HINT1: variants seen among roughly 807,000 people sequenced by gnomAD.
The protein encoded by HINT1 is adenosine 5'-monophosphoramidase HINT1.
Under a neutral mutation model 11.2 loss-of-function variants are expected in HINT1, and 12 were observed. That is an observed-to-expected ratio of 1.07 (90% CI 0.69 to 1.74). The LOEUF is 1.74. HINT1 is among the 40% of genes most tolerant of loss of function. The pLI, the probability that HINT1 is intolerant of heterozygous loss-of-function variation, is 0.00. For missense variants in HINT1, 150 were observed against 161.8 expected (o/e 0.93, Z 0.40); for synonymous variants, 42 against 52.6 (o/e 0.80, Z 0.87).
chr5:131,160,983 C>A, intron 2 of HINT1: 1 of 331,958 alleles, frequency 3.0e-6, no homozygotes, highest in Admixed American at 3.8e-5. Flanking sequence ...TTTCAACAGA[C>A]ATACAATATT....
At chr5:131,164,409 G>C (rs900216387) in intron 1 of HINT1, among the ~76,000 whole-genome samples, 4 of 152,226 alleles carry the variant, frequency 2.6e-5, no homozygotes, top group Admixed American at 2.0e-4. Flanking sequence ...ATGTTCAGCG[G>C]GAGAGGTCAA....
At chr5:131,162,224 G>A (rs4644002) in intron 2 of HINT1, 34,053 of 557,104 alleles carry the variant, frequency 0.061, 3,610 homozygotes, top group African/African-American at 0.34. Flanking sequence ...TCGGGAGGCT[G>A]AGGCAGGAGA....
intron 2 of HINT1, chr5:131,162,284 A>C: frequency 6.3e-6 from 4 of 634,068 alleles, no homozygotes; most frequent in Non-Finnish European, 1.1e-5. Flanking sequence ...GTGCCACTGC[A>C]CTGCAGCCTG....
intron 2 of HINT1, 182 bp downstream of exon 2, chr5:131,162,390 G>A (rs1324922266): frequency 9.1e-6 from 11 of 1,206,042 alleles, no homozygotes; most frequent in Non-Finnish European, 1.1e-5. Flanking sequence ...ATTCATTGCT[G>A]GTGGGATACA....
Position 131,165,188 on chromosome 5 carries a change from G to T in HINT1, c.18C>A (p.Ala6=). The T allele has an allele frequency of 6.2e-7, 1 of 1,608,912 alleles. No individual in the cohort carries two copies. The highest frequency in any genetic ancestry group is 1.1e-5 in the South Asian group (1 of 91,076). MADEI[A]KAQVARPGGD... ...CACCAGGCCGAGCGACCTGAGCCTT[G>T]GCAATCTCATCTGCCATCTCGGCCT... The change falls in exon 1 of 3, where the codon GCC becomes GCA. Residue 6 remains alanine (A), a synonymous_variant. Coordinates refer to ENST00000304043, the MANE Select transcript of HINT1 (RefSeq NM_005340.7).
chr5:131,162,149 G>A (rs1213971932), intron 2 of HINT1: 1 of 460,244 alleles, frequency 2.2e-6, no homozygotes, highest in Non-Finnish European at 3.9e-6. Flanking sequence ...CATGGTGAAA[G>A]CCGTCTCTAC....
Position 131,165,245 on chromosome 5 carries a change from GGAA to G in HINT1, c.-43_-41del. 6.3e-7 allele frequency: 1 copy of G among 1,590,986 alleles called. No homozygotes were observed. The highest frequency in any genetic ancestry group is 8.5e-7 in the Non-Finnish European group (1 of 1,174,192). On this transcript the variant is annotated 5_prime_UTR_variant, in exon 1 of 3. Transcript: ENST00000304043. Reference sequence around the variant, plus strand: ...CGCGCGGCGGCCAGAGGAGAGGCTCGGAAGAAGGGAGGAACCCGCAGAGCGTGC... The same window carrying G: ...CGCGCGGCGGCCAGAGGAGAGGCTCGGAAGGGAGGAACCCGCAGAGCGTGC...
intron 2 of HINT1, chr5:131,160,609 C>T: frequency 3.2e-6 from 2 of 621,936 alleles, no homozygotes; most frequent in Non-Finnish European, 4.2e-6. Flanking sequence ...TCTTACATTT[C>T]TATTCCCATT....
intron 2 of HINT1, 145 bp from the exon 3 acceptor site, chr5:131,159,756 C>G (rs1345198186): frequency 1.0e-5 from 7 of 674,282 alleles, no homozygotes; most frequent in Non-Finnish European, 1.5e-5. Context: ...CTCTTAATCC[C>G]AACAGAGCAT....
Position 131,165,234 on chromosome 5 carries a change from A to AG in HINT1, c.-30dup, listed in dbSNP as rs775767352. The AG allele has an allele frequency of 8.1e-6, 13 of 1,596,784 alleles. No homozygotes were observed. The South Asian group carries it at 1.4e-4, about 18-fold the overall frequency. On this transcript the variant is annotated 5_prime_UTR_variant, in exon 1 of 3. Transcript: ENST00000304043. The stretch of plus-strand genomic sequence containing the variant: ...GGCCTCTCTCCCGCGCGGCGGCCAG[A>AG]GGAGAGGCTCGGAAGAAGGGAGGAA...
intron 1 of HINT1, among the ~76,000 whole-genome samples, chr5:131,164,421 G>A (rs1323125215): frequency 6.6e-6 from 1 of 152,196 alleles, no homozygotes; most frequent in Non-Finnish European, 1.5e-5. Flanking sequence ...AGAGGTCAAC[G>A]GAAAGCAAAT....
At chr5:131,161,047 T>C (rs1755235100) in intron 2 of HINT1, among the ~76,000 whole-genome samples, 1 of 152,208 alleles carries the variant, frequency 6.6e-6, no homozygotes, top group Non-Finnish European at 1.5e-5. Context: ...TTGATGAGCA[T>C]CTATATAAAA....
chr5:131,164,536 C>T (rs190647549), intron 1 of HINT1, among the ~76,000 whole-genome samples: 1,641 of 152,290 alleles, frequency 0.011, 34 homozygotes, highest in African/African-American at 0.037. Flanking sequence ...TGGCAAGCCG[C>T]ACCCCGCGGA....
rs181434596 is a variant in HINT1 at position 131,163,647 on chromosome 5, T to G, written c.112-971A>C. On this transcript the variant is annotated intron_variant, in intron 1 of 2. Coordinates refer to ENST00000304043, the MANE Select transcript of HINT1 (RefSeq NM_005340.7). ...AACTACATATTTGTCTGATACTTGA[T>G]TAATATCTATTCTCACTTTACTCAA... Among the ~76,000 whole-genome samples the G allele has an allele frequency of 1.3e-3, 192 of 152,306 alleles. 1 individual carries two copies. The highest frequency in any genetic ancestry group is 4.5e-3 in the African/African-American group (188 of 41,566).
intron 1 of HINT1, 86 bp from the exon 2 acceptor site, chr5:131,162,762 G>A: frequency 1.2e-6 from 1 of 801,348 alleles, no homozygotes; most frequent in Admixed American, 2.3e-5. Flanking sequence ...TTACTGAGCA[G>A]TAACTACATG....
chr5:131,164,017 A>G (rs1755322907), intron 1 of HINT1, among the ~76,000 whole-genome samples: 1 of 152,184 alleles, frequency 6.6e-6, no homozygotes, highest in Non-Finnish European at 1.5e-5. Context: ...TTTTTCTAAA[A>G]CCAAAGAATT....
chr5:131,162,545 A>G (rs1242592267), intron 2 of HINT1, 27 bp downstream of exon 2: 5 of 1,606,720 alleles, frequency 3.1e-6, no homozygotes, highest in Middle Eastern at 1.6e-4. Flanking sequence ...AAAGCAAGAA[A>G]ATAAATCATG....
In HINT1 at chr5:131,164,049, A is replaced by AT. The variant is rs970998918; in HGVS notation, c.111+1045dup. 9.8e-4 allele frequency among the ~76,000 whole-genome samples: 146 copies of AT among 149,322 alleles called. No homozygotes were observed. The East Asian group carries it at 0.018, about 18-fold the overall frequency. ...AATTTCCCCTGAGTAGAGACAAAGTATTTTTTTTTTTAATTTACCTAGAGG... is the reference window on the plus strand; with the variant it reads ...AATTTCCCCTGAGTAGAGACAAAGTATTTTTTTTTTTTAATTTACCTAGAGG... On this transcript the variant is annotated intron_variant, in intron 1 of 2. Coordinates refer to ENST00000304043, the MANE Select transcript of HINT1 (RefSeq NM_005340.7).
intron 2 of HINT1, among the ~76,000 whole-genome samples, chr5:131,161,583 G>A (rs1266926534): frequency 2.2e-5 from 3 of 136,296 alleles, no homozygotes; most frequent in East Asian, 2.1e-4. Flanking sequence ...CAACAAGAAC[G>A]AAACTCCGTC....
Sources: gnomAD v4.1 joint callset for allele counts (sites outside exome capture counted in the v4.1 genomes callset) on GRCh38, gnomAD v4.1.1 for gene constraint, MANE v1.5 for transcripts, NCBI Gene and HGNC (gene_info 2026-07-23, HGNC 2026-07-21) for gene names.